Variants in INO80 observed in about 807,000 individuals in gnomAD.
INO80 encodes the protein chromatin-remodeling ATPase INO80.
Under a neutral mutation model 203.4 loss-of-function variants are expected in INO80, and 20 were observed. The ratio of observed to expected loss-of-function variants is 0.10; its 90% CI spans 0.07 to 0.14. The LOEUF is 0.14. INO80 is among the 10% of genes least tolerant of loss of function. INO80 has a pLI of 1.00. For missense variants in INO80, 1,419 were observed against 1,914.4 expected, an observed-to-expected ratio of 0.74 and a Z score of 4.83; for synonymous variants, 726 against 685.2, an observed-to-expected ratio of 1.06 and a Z score of -0.93.
intron 27 of INO80, among the ~76,000 whole-genome samples, chr15:41,014,754 C>T (rs1296236843): frequency 6.6e-6 from 1 of 152,162 alleles, no homozygotes; most frequent in Non-Finnish European, 1.5e-5. Context: ...AGAAACCTCC[C>T]ACTGATTTCA....
intron 24 of INO80, among the ~76,000 whole-genome samples, chr15:41,028,411 C>T (rs1036972096): frequency 6.6e-6 from 1 of 152,150 alleles, no homozygotes; most frequent in African/African-American, 2.4e-5. Flanking sequence ...GCTGGGATTA[C>T]AGGCATGAGC....
In INO80 at chr15:40,999,064, A is replaced by G. The variant is rs544905875; in HGVS notation, c.3498-1463T>C. On this transcript the variant is annotated intron_variant, in intron 28 of 35. Transcript: ENST00000648947. ...TGCTTTAGATGGCATTAAGAAATTA[A>G]TTAAAGAAAGAAAAAAGATTAGAAA... Among the ~76,000 whole-genome samples, 7 of 152,148 alleles carry G rather than the reference A, an allele frequency of 4.6e-5. No individual in the cohort carries two copies. The South Asian group carries it at 1.0e-3, about 23-fold the overall frequency.
chr15:41,009,198 T>C (rs2044096072), intron 27 of INO80, among the ~76,000 whole-genome samples: 2 of 151,014 alleles, frequency 1.3e-5, no homozygotes, highest in Non-Finnish European at 2.9e-5. Context: ...GTAGAACATA[T>C]GCGGTTTTTG....
At chr15:41,054,563 TG>T (rs1476792034) in intron 18 of INO80, among the ~76,000 whole-genome samples, 2 of 152,330 alleles carry the variant, frequency 1.3e-5, no homozygotes, top group East Asian at 3.9e-4. Flanking sequence ...TTCTAATATT[TG>T]CTGTTTTTAT....
chr15:41,056,533 C>T (rs779971855), intron 17 of INO80, 89 bp downstream of exon 17: 164 of 1,057,240 alleles, frequency 1.6e-4, no homozygotes, highest in Non-Finnish European at 2.1e-4. Context: ...AGCAGTAGCA[C>T]TGCAAGGGAA....
chr15:41,088,825 C>G (rs1348788394), intron 5 of INO80, among the ~76,000 whole-genome samples: 3 of 152,150 alleles, frequency 2.0e-5, no homozygotes, highest in Non-Finnish European at 4.4e-5. Context: ...ATGCACTGAG[C>G]TGTACACTTA....
At position 41,089,791 on chromosome 15, in the gene INO80, A is replaced by T. The variant is rs553359038; in HGVS notation, c.538-2109T>A. On this transcript the variant is annotated intron_variant, in intron 5 of 35. Transcript: ENST00000648947. ...AGAGTCAGAAGGCTTTGGTAACGGCATTCAAATAGTTGTCACTCAAAACTA... is the reference window on the plus strand; with the variant it reads ...AGAGTCAGAAGGCTTTGGTAACGGCTTTCAAATAGTTGTCACTCAAAACTA... Among the ~76,000 whole-genome samples the T allele has an allele frequency of 2.0e-3, 307 of 152,212 alleles. 11 individuals carry two copies. The South Asian group carries it at 0.063, about 31-fold the overall frequency.
chr15:41,115,377 T>C (rs1450587655), intron 1 of INO80, among the ~76,000 whole-genome samples: 2 of 152,184 alleles, frequency 1.3e-5, no homozygotes, highest in Non-Finnish European at 2.9e-5. Flanking sequence ...ACTTTCCTAG[T>C]CGCTATGTAA....
intron 13 of INO80, among the ~76,000 whole-genome samples, chr15:41,070,082 G>A (rs1260573228): frequency 6.6e-6 from 1 of 152,006 alleles, no homozygotes; most frequent in African/African-American, 2.4e-5. Context: ...CCATAGAAGA[G>A]GAAGAGGAAG....
Position 41,085,484 on chromosome 15 carries a change from T to C in INO80, c.758A>G (p.Lys253Arg), listed in dbSNP as rs376363127. Reference protein sequence around the residue: ...RHHHQTKVFAKFSHDAPPPGT... With the variant: ...RHHHQTKVFARFSHDAPPPGT... ...AGGGGGAGGTGCATCGTGAGAAAACTTGGCAAAGACTTTGGTCTGGTGGTG... is the reference window on the plus strand; with the variant it reads ...AGGGGGAGGTGCATCGTGAGAAAACCTGGCAAAGACTTTGGTCTGGTGGTG... The change falls in exon 7 of 36, where the codon AAG (lysine) becomes AGG (arginine). Residue 253 changes from lysine (K) to arginine (R), a missense_variant. Transcript: ENST00000648947. 1.4e-4 allele frequency: 224 copies of C among 1,614,168 alleles called. No homozygotes were observed. The highest frequency in any genetic ancestry group is 1.7e-4 in the Non-Finnish European group (202 of 1,180,020).
At chr15:40,980,530 G>T in intron 35 of INO80, 90 bp from the exon 36 acceptor site, 1 of 945,024 alleles carries the variant, frequency 1.1e-6, no homozygotes, top group Non-Finnish European at 1.7e-6. Flanking sequence ...AGTCTGAGCT[G>T]GAGGAGAAGT....
intron 25 of INO80, among the ~76,000 whole-genome samples, chr15:41,025,283 TGAGA>T (rs1170653098): frequency 6.6e-6 from 1 of 152,170 alleles, no homozygotes; most frequent in African/African-American, 2.4e-5. Flanking sequence ...CATGCATGTG[TGAGA>T]GAGTGGGACT....
intron 31 of INO80, among the ~76,000 whole-genome samples, chr15:40,985,688 T>C (rs1251792911): frequency 2.0e-5 from 3 of 152,164 alleles, no homozygotes; most frequent in Admixed American, 6.5e-5. Context: ...GGCAGGCTGA[T>C]GGCTCAAGCC....
chr15:41,089,767 G>C (rs1450583716), intron 5 of INO80, among the ~76,000 whole-genome samples: 1 of 150,462 alleles, frequency 6.6e-6, no homozygotes, highest in Non-Finnish European at 1.5e-5. Flanking sequence ...AAGAAAGAAA[G>C]AGTCAGAAGG....
Position 40,987,098 on chromosome 15 carries a change from C to G in INO80, c.3825G>C (p.Glu1275Asp), listed in dbSNP as rs1431613218. 1 of 1,598,488 alleles carries G rather than the reference C, an allele frequency of 6.3e-7. No individual in the cohort carries two copies. The highest frequency in any genetic ancestry group is 8.6e-7 in the Non-Finnish European group (1 of 1,165,722). Residue 1275 changes from glutamate to aspartate, a missense_variant, in exon 31 of 36, where the codon GAG (glutamate) becomes GAC (aspartate). Glu to Asp is a conservative substitution (Grantham distance 45). This residue lies in a region of INO80 where 214 missense variants were observed against 248.9 expected (regional missense o/e 0.86). Coordinates refer to ENST00000648947, the MANE Select transcript of INO80 (RefSeq NM_017553.3). Reference sequence around the variant, plus strand: ...GAGGTTTAGAGTACATACGTTTCTTCTCCAACTCTTCGTCGTCTAGAAGAA... The same window carrying G: ...GAGGTTTAGAGTACATACGTTTCTTGTCCAACTCTTCGTCGTCTAGAAGAA... Reference protein sequence around the residue: ...VSLLLDDEELEKKLRLRQEEK... With the variant: ...VSLLLDDEELDKKLRLRQEEK...
intron 28 of INO80, among the ~76,000 whole-genome samples, chr15:41,003,802 C>T (rs1164620809): frequency 6.6e-6 from 1 of 152,074 alleles, no homozygotes; most frequent in East Asian, 1.9e-4. Context: ...GGTGAAATAC[C>T]TATTACTTAA....
intron 28 of INO80, among the ~76,000 whole-genome samples, chr15:41,002,071 A>G (rs914842048): frequency 3.3e-5 from 5 of 152,182 alleles, no homozygotes; most frequent in African/African-American, 1.2e-4. Context: ...ACTCTAAGCA[A>G]CCAGTTTGTA....
chr15:40,985,001 G>A (rs375849081), intron 32 of INO80, among the ~76,000 whole-genome samples: 1 of 152,158 alleles, frequency 6.6e-6, no homozygotes, highest in African/African-American at 2.4e-5. Context: ...TGGATCTCAT[G>A]ACCTCTTAGG....
intron 20 of INO80, 51 bp from the exon 21 acceptor site, chr15:41,049,471 C>T (rs370180476): frequency 8.9e-6 from 14 of 1,565,580 alleles, no homozygotes; most frequent in Admixed American, 1.8e-5. Context: ...AGACATCATA[C>T]GTAATGACAG....
Sources: gnomAD v4.1 joint callset for allele counts (sites outside exome capture counted in the v4.1 genomes callset) on GRCh38, gnomAD v4.1.1 for gene constraint, gnomAD v4.1.1 regional missense constraint, MANE v1.5 for transcripts, NCBI Gene and HGNC (gene_info 2026-07-23, HGNC 2026-07-21) for gene names.